CTPS2: variants seen among roughly 807,000 people sequenced by gnomAD.
The protein encoded by CTPS2 is CTP synthase II.
A neutral mutation model predicts 46.8 loss-of-function variants in CTPS2; 19 were observed. The ratio of observed to expected loss-of-function variants is 0.41; its 90% CI spans 0.28 to 0.60. The LOEUF (loss-of-function observed/expected upper bound fraction) is 0.60. Among genes scored for constraint, CTPS2 ranks in the 20% least tolerant of loss-of-function variants. CTPS2 has a pLI of 0.35. For missense variants in CTPS2, 286 were observed against 447.6 expected (o/e 0.64, Z 3.26); for synonymous variants, 151 against 165.2 (o/e 0.91, Z 0.66).
rs751458999 is a variant in CTPS2, at chrX:16,647,242, C to T, written c.1297-7999G>A. ...AAGTATAAATTCTGACAATAGGCAG[C>T]ATTGGGCCCATTCTTTTTTTTTTTT... On this transcript the variant is annotated intron_variant, in intron 13 of 18. Transcript: ENST00000359276. 3.0e-5 allele frequency among the ~76,000 whole-genome samples: 3 copies of T among 100,632 alleles called. No individual in the cohort carries two copies. The South Asian group carries it at 1.4e-3, about 47-fold the overall frequency. The allele number at this position is 100,632 out of a possible 115,157, so 87.4% of individuals were successfully genotyped here. A position where few individuals can be genotyped will look rare whatever the true frequency, so the allele number is the denominator to read the frequency against.
chrX:16,632,899 G>T (rs1346057558), intron 14 of CTPS2, among the ~76,000 whole-genome samples: 1 of 110,691 alleles, frequency 9.0e-6, no homozygotes, highest in African/African-American at 3.3e-5. Flanking sequence ...AAATAAGGAG[G>T]TTAGATCAAA....
At chrX:16,699,448 A>T (rs896962815) in intron 2 of CTPS2, among the ~76,000 whole-genome samples, 2 of 112,698 alleles carry the variant, frequency 1.8e-5, no homozygotes, top group Non-Finnish European at 3.7e-5. Flanking sequence ...GAACTGCGAT[A>T]AGAAACTTTT....
chrX:16,695,682 G>C (rs964284910), intron 4 of CTPS2, among the ~76,000 whole-genome samples: 3 of 110,072 alleles, frequency 2.7e-5, no homozygotes, highest in Admixed American at 9.8e-5. Flanking sequence ...CTCCTGAGTA[G>C]CTGGGACTAT....
chrX:16,707,253 G>A (rs953739076), intron 1 of CTPS2, among the ~76,000 whole-genome samples: 5 of 111,145 alleles, frequency 4.5e-5, no homozygotes, highest in Non-Finnish European at 9.4e-5. Flanking sequence ...TGTGTACAGG[G>A]GCCTTCTGCT....
intron 10 of CTPS2, among the ~76,000 whole-genome samples, chrX:16,671,444 T>A (rs1210994616): frequency 9.3e-6 from 1 of 107,862 alleles, no homozygotes; most frequent in Non-Finnish European, 1.9e-5. Context: ...TCTGGTAACA[T>A]CTTTCTAGCG....
chrX:16,671,671 C>A (rs181860140), intron 10 of CTPS2, among the ~76,000 whole-genome samples: 1 of 108,536 alleles, frequency 9.2e-6, no homozygotes, highest in Non-Finnish European at 1.9e-5. Flanking sequence ...CACGCCACCA[C>A]GCCCAGCTAA....
chrX:16,675,224 C>T (rs1922171227), intron 10 of CTPS2, among the ~76,000 whole-genome samples: 1 of 106,407 alleles, frequency 9.4e-6, no homozygotes, highest in African/African-American at 3.5e-5. Context: ...GCCAAGATTA[C>T]ACCACTGCAC....
intron 1 of CTPS2, among the ~76,000 whole-genome samples, chrX:16,709,143 T>G (rs1284408666): frequency 9.0e-6 from 1 of 110,822 alleles, no homozygotes; most frequent in Admixed American, 9.6e-5. Flanking sequence ...AAAATGCTTA[T>G]GTGGCCGGGC....
intron 14 of CTPS2, among the ~76,000 whole-genome samples, chrX:16,630,616 A>C (rs1302171567): frequency 9.2e-6 from 1 of 108,887 alleles, no homozygotes; most frequent in African/African-American, 3.4e-5. Context: ...CCACAGTACA[A>C]CCCCGTGCTC....
At chrX:16,651,386 A>G (rs1356550604) in intron 13 of CTPS2, among the ~76,000 whole-genome samples, 2 of 111,868 alleles carry the variant, frequency 1.8e-5, no homozygotes, top group Non-Finnish European at 3.8e-5. Flanking sequence ...TAATAAATGG[A>G]AGCAATGCCA....
At chrX:16,650,974 G>T in intron 13 of CTPS2, 1 of 1,190,594 alleles carries the variant, frequency 8.4e-7, no homozygotes. Flanking sequence ...TTTTTGGTAA[G>T]TTTATTTTCT....
chrX:16,688,688 A>G (rs1200117521), intron 8 of CTPS2, among the ~76,000 whole-genome samples: 2 of 111,885 alleles, frequency 1.8e-5, no homozygotes, highest in Non-Finnish European at 3.8e-5. Flanking sequence ...ATGCAGGATG[A>G]AACAAAACTA....
In CTPS2 at chrX:16,613,856, G is replaced by A. The variant is rs190837246; in HGVS notation, c.1546+3294C>T. Among the ~76,000 whole-genome samples the A allele has an allele frequency of 3.8e-3, 425 of 111,759 alleles. 4 individuals carry two copies. Among genetic ancestry groups the A allele is most frequent in the African/African-American group, 0.013 (396 of 30,761 alleles). ...TCTTCCGACCTTCGCCTCCCAAAGCGTTGGGATTACAGGCGTGAGCCACTG... is the reference window on the plus strand; with the variant it reads ...TCTTCCGACCTTCGCCTCCCAAAGCATTGGGATTACAGGCGTGAGCCACTG... On this transcript the variant is annotated intron_variant, in intron 16 of 18. Transcript: ENST00000359276.
intron 4 of CTPS2, 129 bp from the exon 5 acceptor site, chrX:16,693,616 T>C: frequency 2.0e-6 from 1 of 491,718 alleles, no homozygotes. Flanking sequence ...CAGAGGTTTA[T>C]AAATACGTTC....
intron 17 of CTPS2, among the ~76,000 whole-genome samples, chrX:16,603,518 C>T (rs1237532349): frequency 2.7e-5 from 3 of 110,938 alleles, no homozygotes; most frequent in African/African-American, 9.8e-5. Context: ...CACTGTATCA[C>T]TCTTTCATCT....
intron 13 of CTPS2, among the ~76,000 whole-genome samples, chrX:16,656,571 G>A (rs1018790480): frequency 2.7e-5 from 3 of 111,117 alleles, no homozygotes; most frequent in Non-Finnish European, 3.8e-5. Context: ...CACCACGCCC[G>A]GCTAATTTTT....
intron 14 of CTPS2, among the ~76,000 whole-genome samples, chrX:16,630,545 C>T (rs1025622116): frequency 1.8e-5 from 2 of 110,627 alleles, no homozygotes; most frequent in Non-Finnish European, 3.8e-5. Flanking sequence ...TGAGCCACCG[C>T]GCCCGGCCCT....
At chrX:16,669,526 C>G (rs1921548920) in intron 11 of CTPS2, among the ~76,000 whole-genome samples, 1 of 108,889 alleles carries the variant, frequency 9.2e-6, no homozygotes, top group Non-Finnish European at 1.9e-5. Flanking sequence ...CCATTCCATA[C>G]TATTAAAATA....
At chrX:16,666,532 C>CA (rs1471460377) in intron 13 of CTPS2, among the ~76,000 whole-genome samples, 39 of 110,139 alleles carry the variant, frequency 3.5e-4, no homozygotes, top group African/African-American at 1.2e-3. Flanking sequence ...CTTGTCTCTA[C>CA]AAAAAAAATC....
Sources: allele counts gnomAD v4.1 joint callset (sites outside exome capture counted in the v4.1 genomes callset), GRCh38; gene constraint gnomAD v4.1.1; transcripts MANE v1.5; gene names NCBI Gene and HGNC (gene_info 2026-07-23, HGNC 2026-07-21).